Variants in SHCBP1L observed in about 807,000 individuals in gnomAD.
SHCBP1L encodes the protein SHC binding and spindle associated 1 like.
SHCBP1L carries 67 observed loss-of-function variants against 62.5 expected under a neutral mutation model. The observed-to-expected ratio is 1.07, with a 90% CI of 0.88 to 1.31. The LOEUF (loss-of-function observed/expected upper bound fraction) is 1.31, where lower values mean the gene tolerates loss of function less well. SHCBP1L is among the 40% of genes most tolerant of loss of function. The probability of loss-of-function intolerance (pLI) is 0.00; values close to 1 mark genes in which losing one functional copy is unlikely to be tolerated. For synonymous variants in SHCBP1L, 284 were observed against 289.4 expected, an observed-to-expected ratio of 0.98 and a Z score of 0.19; for missense variants, 823 against 809.8, an observed-to-expected ratio of 1.02 and a Z score of -0.20.
chr1:182,905,628 T>C lies in SHCBP1L; in HGVS notation c.1204A>G (p.Thr402Ala), dbSNP rs143615282. 6.2e-7 allele frequency: 1 copy of C among 1,613,114 alleles called. No homozygotes were observed. The highest frequency in any genetic ancestry group is 8.5e-7 in the Non-Finnish European group (1 of 1,179,720). Residue 402 changes from threonine (T) to alanine (A), a missense_variant, in exon 7 of 10, where the codon ACA becomes GCA. Coordinates refer to ENST00000367547, the MANE Select transcript of SHCBP1L (RefSeq NM_030933.4). ...AAATCACCATGCTGTTGGAGAAGTG[T>C]GTCTGAAGATAAATCCTTTATCTAA... The part of the protein sequence containing the change: ...TEMIKDLSSD[T>A]LLQQHGDLDL...
intron 6 of SHCBP1L, among the ~76,000 whole-genome samples, chr1:182,914,862 T>C (rs1245831871): frequency 6.6e-6 from 1 of 152,006 alleles, no homozygotes; most frequent in Non-Finnish European, 1.5e-5. Context: ...AATCCAACTA[T>C]ATGATGTTAC....
At position 182,903,081 on chromosome 1, in the gene SHCBP1L, G is replaced by T. The variant is rs2101917603; in HGVS notation, c.1668C>A (p.Thr556=). 2.5e-6 allele frequency: 4 copies of T among 1,600,274 alleles called. No individual in the cohort carries two copies. The highest frequency in any genetic ancestry group is 2.3e-5 in the East Asian group (1 of 44,242). ...NEIHHCNNLR[T]SNSSKSTLGG... is the part of the protein sequence containing the mutation. Reference sequence around the variant, plus strand: ...CTAAGGTGCTTTTTGAACTGTTACTGGTTCTGAGGTTATTACAGTGATGAA... The same window carrying T: ...CTAAGGTGCTTTTTGAACTGTTACTTGTTCTGAGGTTATTACAGTGATGAA... The change falls in exon 9 of 10, where the codon ACC becomes ACA. Residue 556 remains threonine (T), a synonymous_variant. Coordinates refer to ENST00000367547, the MANE Select transcript of SHCBP1L (RefSeq NM_030933.4).
chr1:182,952,936 G>C lies in SHCBP1L; in HGVS notation c.198C>G (p.Ala66=), dbSNP rs748132747. ...CGGGCAGGCGCTGGAGCCGCAGCCT[G>C]GCCGTCTCCCGGCCCGCTTTCCCCT... ...PVKGKAGRET[A]RLRLQRLPAA... Residue 66 remains alanine (A), a synonymous_variant, in exon 1 of 10, where the codon GCC becomes GCG. Coordinates refer to ENST00000367547, the MANE Select transcript of SHCBP1L (RefSeq NM_030933.4). 822 of 1,554,744 alleles carry C rather than the reference G, an allele frequency of 5.3e-4. 5 individuals are homozygous for C. Among genetic ancestry groups the C allele is most frequent in the Non-Finnish European group, 4.3e-5 (50 of 1,151,554 alleles).
At chr1:182,903,902 T>C (rs1649919485) in intron 8 of SHCBP1L, among the ~76,000 whole-genome samples, 1 of 152,192 alleles carries the variant, frequency 6.6e-6, no homozygotes, top group Non-Finnish European at 1.5e-5. Flanking sequence ...ATCAAATGAC[T>C]GACTCATGAT....
intron 6 of SHCBP1L, among the ~76,000 whole-genome samples, chr1:182,908,179 G>A (rs1274954300): frequency 7.2e-6 from 1 of 139,428 alleles, no homozygotes; most frequent in Non-Finnish European, 1.6e-5. Context: ...ATATGGGGGT[G>A]CATGTGCAGG....
At chr1:182,943,275 ATTTTTTTTTTTT>A (rs767553592) in intron 2 of SHCBP1L, among the ~76,000 whole-genome samples, 1 of 79,094 alleles carries the variant, frequency 1.3e-5, no homozygotes, top group Non-Finnish European at 2.5e-5. Context: ...ACCATTCTTG[ATTTTTTTTTTTT>A]TTTTTTTTTT....
intron 9 of SHCBP1L, among the ~76,000 whole-genome samples, chr1:182,901,427 A>T (rs1649831671): frequency 6.6e-6 from 1 of 152,208 alleles, no homozygotes; most frequent in South Asian, 2.1e-4. Flanking sequence ...ATTACACTCC[A>T]GCCTGGGCAA....
At chr1:182,907,562 CTTATTATTATTA>C (rs1005963024) in intron 6 of SHCBP1L, among the ~76,000 whole-genome samples, 1 of 149,156 alleles carries the variant, frequency 6.7e-6, no homozygotes, top group Non-Finnish European at 1.5e-5. Flanking sequence ...CTTTCTTATT[CTTATTATTATTA>C]TTATTATTGT....
chr1:182,932,153 CA>C (rs1272241679), intron 5 of SHCBP1L, among the ~76,000 whole-genome samples: 1 of 129,822 alleles, frequency 7.7e-6, no homozygotes, highest in Non-Finnish European at 1.5e-5. Flanking sequence ...CTGGGTGTCC[CA>C]ACATTCCTTG....
At chr1:182,903,871 CAT>C (rs1489005234) in intron 8 of SHCBP1L, among the ~76,000 whole-genome samples, 2 of 152,156 alleles carry the variant, frequency 1.3e-5, no homozygotes, top group Non-Finnish European at 2.9e-5. Context: ...TGATAACTTA[CAT>C]GTCTTATTTC....
chr1:182,943,275 ATTTTTT>A (rs767553592), intron 2 of SHCBP1L, among the ~76,000 whole-genome samples: 20 of 79,112 alleles, frequency 2.5e-4, no homozygotes, highest in Admixed American at 7.1e-4. Context: ...ACCATTCTTG[ATTTTTT>A]TTTTTTTTTT....
chr1:182,935,026 A>C (rs1651122069), intron 5 of SHCBP1L, among the ~76,000 whole-genome samples: 1 of 151,964 alleles, frequency 6.6e-6, no homozygotes, highest in African/African-American at 2.4e-5. Context: ...TATGGACTCT[A>C]TTTCCTTTCA....
chr1:182,939,489 G>C lies in SHCBP1L; in HGVS notation c.835C>G (p.Leu279Val). ...DEESCENYTA[L>V]IEERINLWCD... ...TACAAATTAATTCTTTCTTCAATAA[G>C]TGCAGTATAATTCTCACAACTTTCT... Residue 279 changes from leucine to valine, a missense_variant, in exon 4 of 10, where the codon CTT becomes GTT. Transcript: ENST00000367547. The C allele has an allele frequency of 1.2e-6, 2 of 1,608,004 alleles. No homozygotes were observed. The highest frequency in any genetic ancestry group is 1.7e-6 in the Non-Finnish European group (2 of 1,177,420).
At chr1:182,949,719 G>C (rs1363236966) in intron 2 of SHCBP1L, among the ~76,000 whole-genome samples, 2 of 150,312 alleles carry the variant, frequency 1.3e-5, no homozygotes, top group African/African-American at 2.4e-5. Flanking sequence ...AAAAGGAAAA[G>C]AAACAGTATT....
chr1:182,932,274 G>A (rs1184859750), intron 5 of SHCBP1L, among the ~76,000 whole-genome samples: 1 of 151,976 alleles, frequency 6.6e-6, no homozygotes, highest in East Asian at 1.9e-4. Flanking sequence ...GCAGGTTTTT[G>A]TGTGAACATA....
At chr1:182,948,112 G>A (rs146656902) in intron 2 of SHCBP1L, among the ~76,000 whole-genome samples, 5 of 152,180 alleles carry the variant, frequency 3.3e-5, no homozygotes, top group Non-Finnish European at 5.9e-5. Flanking sequence ...GTCAACAGTA[G>A]GCTATTAGTT....
rs1393473488 is a variant in SHCBP1L, at chr1:182,924,776, GAA to G, written c.1182+4869_1182+4870del. On this transcript the variant is annotated intron_variant, in intron 6 of 9. Coordinates refer to ENST00000367547, the MANE Select transcript of SHCBP1L (RefSeq NM_030933.4). The stretch of plus-strand genomic sequence containing the variant: ...AGAAAGAAAGAAAGAAAGAAAGAAA[GAA>G]AGAAAGAAAGAGAGAAAGAAAGGAA... Among the ~76,000 whole-genome samples the G allele has an allele frequency of 3.3e-3, 299 of 89,624 alleles. 12 individuals are homozygous for G. The highest frequency in any genetic ancestry group is 0.02 in the African/African-American group (212 of 10,696). 58.8% of individuals were successfully genotyped at this position (89,624 alleles called of 152,430 possible).
At chr1:182,930,705 A>G (rs201735601) in intron 5 of SHCBP1L, among the ~76,000 whole-genome samples, 82 of 68,740 alleles carry the variant, frequency 1.2e-3, no homozygotes, top group East Asian at 6.4e-3. Context: ...GTGTGTGTGT[A>G]TATATATATA....
chr1:182,910,686 G>A (rs1008840692), intron 6 of SHCBP1L, among the ~76,000 whole-genome samples: 12 of 152,176 alleles, frequency 7.9e-5, no homozygotes, highest in South Asian at 2.1e-4. Context: ...AGGGCTAGAC[G>A]TATGCTCAGA....
Sources: gnomAD v4.1 joint callset for allele counts (sites outside exome capture counted in the v4.1 genomes callset) on GRCh38, gnomAD v4.1.1 for gene constraint, MANE v1.5 for transcripts, NCBI Gene and HGNC (gene_info 2026-07-23, HGNC 2026-07-21) for gene names.